MAF: variants seen among roughly 807,000 people sequenced by gnomAD.
MAF encodes the protein MAF bZIP transcription factor.
Under a neutral mutation model 22.0 loss-of-function variants are expected in MAF, and 10 were observed. The ratio of observed to expected loss-of-function variants is 0.45; its 90% confidence interval spans 0.28 to 0.77. MAF has a LOEUF of 0.77. Ranked by LOEUF, MAF falls within the 30% of genes least tolerant of loss-of-function variation. The pLI is 0.12. For missense variants in MAF, 544 were observed against 548.4 expected (o/e 0.99, Z 0.08); for synonymous variants, 337 against 255.8 (o/e 1.32, Z -3.03).
At chr16:79,225,641 A>C in the MAF span, among the ~76,000 whole-genome samples, 2 of 152,228 alleles carry the variant, frequency 1.3e-5, no homozygotes, top group African/African-American at 4.8e-5. Flanking sequence ...ACAAAGGGCT[A>C]ATATCCAGAA....
chr16:79,535,667 C>A, the MAF span, among the ~76,000 whole-genome samples: 125 of 144,710 alleles, frequency 8.6e-4, no homozygotes, highest in Non-Finnish European at 1.5e-3. Flanking sequence ...TCGGTCACTG[C>A]AACTTCTGCC....
chr16:79,237,267 A>C, the MAF span, among the ~76,000 whole-genome samples: 1 of 152,196 alleles, frequency 6.6e-6, no homozygotes, highest in East Asian at 1.9e-4. Context: ...CCACGGAAAC[A>C]ACTGAAGTAT....
At chr16:79,412,886 C>G in the MAF span, among the ~76,000 whole-genome samples, 1 of 152,226 alleles carries the variant, frequency 6.6e-6, no homozygotes, top group Non-Finnish European at 1.5e-5. Flanking sequence ...TGAAATCTCA[C>G]AAGAGTCAGC....
chr16:79,598,471 A>AC (rs33983960), intron 1 of MAF: 1 of 1,300,090 alleles, frequency 7.7e-7, no homozygotes, highest in African/African-American at 1.5e-5. Context: ...AAAAAAAAAA[A>AC]CAAGCTAGCA....
At chr16:79,346,183 C>A in the MAF span, among the ~76,000 whole-genome samples, 1 of 143,456 alleles carries the variant, frequency 7.0e-6, no homozygotes, top group East Asian at 2.0e-4. Flanking sequence ...CCCCGCTCCC[C>A]CCACCCCACT....
chr16:79,262,188 G>T, the MAF span, among the ~76,000 whole-genome samples: 3 of 152,196 alleles, frequency 2.0e-5, no homozygotes, highest in Non-Finnish European at 4.4e-5. Context: ...AGGATGGGTA[G>T]TTTTTGCAGA....
At chr16:79,221,028 A>C in the MAF span, among the ~76,000 whole-genome samples, 2 of 152,230 alleles carry the variant, frequency 1.3e-5, no homozygotes, top group African/African-American at 4.8e-5. Context: ...TGCGGAAAGC[A>C]GAAAGAAACA....
the MAF span, among the ~76,000 whole-genome samples, chr16:79,510,988 G>T: frequency 6.6e-6 from 1 of 152,172 alleles, no homozygotes; most frequent in Non-Finnish European, 1.5e-5. Flanking sequence ...ATTGTGAGTG[G>T]GTTCCAAACC....
At chr16:79,388,769 A>T in the MAF span, among the ~76,000 whole-genome samples, 1 of 152,342 alleles carries the variant, frequency 6.6e-6, no homozygotes, top group Non-Finnish European at 1.5e-5. Flanking sequence ...GTGCATTAGC[A>T]CCATTGCATT....
chr16:79,459,857 C>A, the MAF span, among the ~76,000 whole-genome samples: 2 of 152,146 alleles, frequency 1.3e-5, no homozygotes, highest in Non-Finnish European at 1.5e-5. Context: ...AGCCACTGTG[C>A]CTGGCCTATT....
the MAF span, among the ~76,000 whole-genome samples, chr16:79,248,037 T>C: frequency 6.6e-6 from 1 of 152,174 alleles, no homozygotes; most frequent in Non-Finnish European, 1.5e-5. Flanking sequence ...TCCTAACACA[T>C]AACAGTCTTT....
At chr16:79,445,969 T>A in the MAF span, among the ~76,000 whole-genome samples, 1 of 152,080 alleles carries the variant, frequency 6.6e-6, no homozygotes, top group Admixed American at 6.5e-5. Context: ...TAATCTCTCA[T>A]AGCAAGCCTT....
At chr16:79,276,396 G>A in the MAF span, among the ~76,000 whole-genome samples, 11 of 152,246 alleles carry the variant, frequency 7.2e-5, no homozygotes, top group East Asian at 1.9e-4. Context: ...TTTACCCAGC[G>A]TTCTGTGGCC....
At chr16:79,320,995 T>A in the MAF span, among the ~76,000 whole-genome samples, 1 of 152,078 alleles carries the variant, frequency 6.6e-6, no homozygotes, top group Non-Finnish European at 1.5e-5. Flanking sequence ...AGAGGTGGGG[T>A]TAGACCCAGG....
the MAF span, among the ~76,000 whole-genome samples, chr16:79,216,760 G>A: frequency 6.6e-6 from 1 of 151,460 alleles, no homozygotes; most frequent in African/African-American, 2.4e-5. Flanking sequence ...ACATATATGT[G>A]TGTATTTGTA....
the MAF span, among the ~76,000 whole-genome samples, chr16:79,333,547 T>C: frequency 6.6e-6 from 1 of 152,212 alleles, no homozygotes; most frequent in Non-Finnish European, 1.5e-5. Flanking sequence ...TTTATTTCCA[T>C]GATTTTGCTA....
At chr16:79,466,833 C>A in the MAF span, among the ~76,000 whole-genome samples, 1 of 152,190 alleles carries the variant, frequency 6.6e-6, no homozygotes, top group Non-Finnish European at 1.5e-5. Context: ...TTCATCTTTT[C>A]CCCTGCCCGC....
the MAF span, among the ~76,000 whole-genome samples, chr16:79,509,381 A>C: frequency 2.6e-5 from 4 of 152,252 alleles, no homozygotes; most frequent in Non-Finnish European, 5.9e-5. Flanking sequence ...CCCCACATCC[A>C]GTCCTGGGAG....
chr16:79,390,726 T>A, the MAF span, among the ~76,000 whole-genome samples: 2 of 152,172 alleles, frequency 1.3e-5, no homozygotes, highest in Non-Finnish European at 2.9e-5. Context: ...AAACGACTTG[T>A]GAGATCTGAG....
Sources: gnomAD v4.1 joint callset for allele counts (sites outside exome capture counted in the v4.1 genomes callset) on GRCh38, gnomAD v4.1.1 for gene constraint, MANE v1.5 for transcripts, NCBI Gene and HGNC (gene_info 2026-07-23, HGNC 2026-07-21) for gene names.